Variants in PLEKHG1 observed in about 807,000 individuals in gnomAD.
PLEKHG1 encodes pleckstrin homology domain-containing family G member 1.
PLEKHG1 carries 44 observed loss-of-function variants against 100.8 expected under a neutral mutation model. The ratio of observed to expected loss-of-function variants is 0.44; its 90% confidence interval spans 0.34 to 0.56. PLEKHG1 has a LOEUF of 0.56. Among genes scored for constraint, PLEKHG1 ranks in the 20% least tolerant of loss-of-function variants. The pLI is 0.01. For missense variants in PLEKHG1, 1,545 were observed against 1,720.9 expected (o/e 0.90, Z 1.81); for synonymous variants, 640 against 662.5 (o/e 0.97, Z 0.52).
intron 5 of PLEKHG1, among the ~76,000 whole-genome samples, chr6:150,798,283 C>T (rs941182295): frequency 5.3e-5 from 8 of 152,226 alleles, no homozygotes; most frequent in Middle Eastern, 3.4e-3. Flanking sequence ...CATCAAAGTT[C>T]CAGATCCAAT....
chr6:150,828,033 A>G, intron 14 of PLEKHG1: 1 of 1,613,112 alleles, frequency 6.2e-7, no homozygotes, highest in East Asian at 2.2e-5. Context: ...CAAACAAGGA[A>G]TTCCCCTCTG....
chr6:150,791,664 T>C (rs1785989900), intron 4 of PLEKHG1, among the ~76,000 whole-genome samples: 1 of 143,446 alleles, frequency 7.0e-6, no homozygotes, highest in Non-Finnish European at 1.5e-5. Context: ...AGCAAGACTC[T>C]GTCTCAAAAA....
chr6:150,810,608 C>T (rs1787468896), intron 10 of PLEKHG1, among the ~76,000 whole-genome samples: 1 of 151,194 alleles, frequency 6.6e-6, no homozygotes, highest in Non-Finnish European at 1.5e-5. Context: ...TCAGCTAAAC[C>T]AGCCATTAAC....
At position 150,786,330 on chromosome 6, in the gene PLEKHG1, A is replaced by C. The variant is rs985095499; in HGVS notation, c.513-60A>C. The C allele has an allele frequency of 1.6e-5, 17 of 1,094,640 alleles. No homozygotes were observed. The Admixed American group carries it at 3.2e-4, about 21-fold the overall frequency. The allele number at this position is 1,094,640 out of a possible 1,614,324, so 67.8% of individuals were successfully genotyped here. The stretch of plus-strand genomic sequence containing the variant: ...AAATGTTTAAACTTTTAAATTATAC[A>C]AAATGTACTCACCCAGAAGACTACA... On this transcript the variant is annotated intron_variant, in intron 3 of 15. Transcript: ENST00000358517.
At chr6:150,673,518 G>A (rs1017057008) in intron 3 of PLEKHG1, among the ~76,000 whole-genome samples, 7 of 152,190 alleles carry the variant, frequency 4.6e-5, no homozygotes, top group Non-Finnish European at 4.4e-5. Flanking sequence ...CTAGAGCATT[G>A]TGTACACTTG....
At chr6:150,746,362 A>G (rs1253564542) in intron 2 of PLEKHG1, among the ~76,000 whole-genome samples, 4 of 152,226 alleles carry the variant, frequency 2.6e-5, no homozygotes, top group Admixed American at 6.5e-5. Context: ...TCTTTGGAGT[A>G]TTATGACTTG....
chr6:150,691,297 G>A (rs971706117), intron 3 of PLEKHG1, among the ~76,000 whole-genome samples: 9 of 152,082 alleles, frequency 5.9e-5, no homozygotes, highest in African/African-American at 1.4e-4. Context: ...CAATCTACTG[G>A]TATTTTTATA....
chr6:150,807,895 G>A (rs1787231906), intron 7 of PLEKHG1, among the ~76,000 whole-genome samples: 2 of 152,160 alleles, frequency 1.3e-5, no homozygotes, highest in Admixed American at 6.5e-5. Flanking sequence ...CTTGAACCCA[G>A]GAGGGAGAGG....
chr6:150,632,048 C>T (rs4323318), intron 1 of PLEKHG1, among the ~76,000 whole-genome samples: 32,581 of 152,104 alleles, frequency 0.21, 5,174 homozygotes, highest in African/African-American at 0.45. Context: ...ACAACAAGCA[C>T]GCGGCATTTG....
chr6:150,689,635 G>T (rs1359142148), intron 3 of PLEKHG1, among the ~76,000 whole-genome samples: 9 of 152,146 alleles, frequency 5.9e-5, no homozygotes, highest in African/African-American at 2.2e-4. Flanking sequence ...GGCCAAGGTG[G>T]GTGGGTCACC....
chr6:150,723,126 G>C (rs1781784252), intron 1 of PLEKHG1, among the ~76,000 whole-genome samples: 1 of 152,148 alleles, frequency 6.6e-6, no homozygotes, highest in Non-Finnish European at 1.5e-5. Context: ...CCAGTGGTTT[G>C]CTGGGTTTTC....
At chr6:150,757,042 T>C (rs1783881718) in intron 2 of PLEKHG1, among the ~76,000 whole-genome samples, 3 of 152,196 alleles carry the variant, frequency 2.0e-5, no homozygotes, top group Admixed American at 2.0e-4. Context: ...GGAGTCTCGC[T>C]CTGTCACCCA....
upstream of PLEKHG1, among the ~76,000 whole-genome samples, chr6:150,718,582 G>T (rs2128607979): frequency 6.7e-6 from 1 of 149,816 alleles, no homozygotes; most frequent in Non-Finnish European, 1.5e-5. Flanking sequence ...TGATTCTCCT[G>T]CCTCAGCCTC....
At position 150,809,638 on chromosome 6, in the gene PLEKHG1, G is replaced by T; in HGVS notation, c.1192-10G>T. The T allele has an allele frequency of 6.2e-7, 1 of 1,612,396 alleles. No individual in the cohort carries two copies. The highest frequency in any genetic ancestry group is 8.5e-7 in the Non-Finnish European group (1 of 1,178,582). ...CAAGTTGTCTGACTGTCTACATCTC[G>T]TCTTGGCAGGCCAAATCCCAGCAAG... is the stretch of plus-strand genomic sequence containing the variant. On this transcript the variant is annotated splice_polypyrimidine_tract_variant and intron_variant, in intron 9 of 15. Transcript: ENST00000358517.
intron 10 of PLEKHG1, among the ~76,000 whole-genome samples, chr6:150,817,869 T>C (rs1776069641): frequency 6.6e-6 from 1 of 151,932 alleles, no homozygotes; most frequent in African/African-American, 2.4e-5. Flanking sequence ...GCCGAGAATC[T>C]GCATTTTTAA....
Position 150,831,474 on chromosome 6 carries a change from A to G in PLEKHG1, c.2363A>G (p.Asp788Gly), listed in dbSNP as rs1255148200. 1.2e-6 allele frequency: 2 copies of G among 1,613,980 alleles called. No homozygotes were observed. The highest frequency in any genetic ancestry group is 2.7e-5 in the African/African-American group (2 of 74,912). ...AGCCTGAGGCCATTTGTTTCCCAAG[A>G]CAGCCTCCAGCTCAGTGAGGACGAA... The change falls in exon 15 of 16, where the codon GAC becomes GGC. Residue 788 changes from aspartate to glycine, a missense_variant. By Grantham distance (94) the Asp-to-Gly change is moderately conservative. Transcript: ENST00000358517. The surrounding 1 kb of genome is among the most constrained non-coding windows in gnomAD (Gnocchi z 4.1).
At position 150,600,443 on chromosome 6, in the gene PLEKHG1, G is replaced by A. The variant is rs1776294047; in HGVS notation, c.-204+426G>A. Among the ~76,000 whole-genome samples the A allele has an allele frequency of 6.6e-6, 1 of 152,136 alleles. No homozygotes were observed. The highest frequency in any genetic ancestry group is 2.4e-5 in the African/African-American group (1 of 41,446). On this transcript the variant is annotated intron_variant, in intron 1 of 3. Transcript: ENST00000367326. The surrounding 1 kb of genome is among the most constrained non-coding windows in gnomAD (Gnocchi z 6.2). ...CCGCTTCCCCACCCCCGACTCAGCA[G>A]GACAGCCCCAGAACGGGACCCCACA...
intron 9 of PLEKHG1, 84 bp from the exon 11 acceptor site, chr6:150,809,563 GC>G: frequency 6.7e-7 from 1 of 1,490,650 alleles, no homozygotes; most frequent in Non-Finnish European, 9.4e-7. Flanking sequence ...GAGCGTTCTG[GC>G]CACATGGTCA....
At chr6:150,630,701 G>A (rs2128561429) in intron 1 of PLEKHG1, among the ~76,000 whole-genome samples, 1 of 152,280 alleles carries the variant, frequency 6.6e-6, no homozygotes, top group South Asian at 2.1e-4. Context: ...GGGGGCCGGT[G>A]TGGAAATACA....
Sources: allele counts gnomAD v4.1 joint callset (sites outside exome capture counted in the v4.1 genomes callset), GRCh38; gene constraint gnomAD v4.1.1; non-coding constraint Gnocchi (gnomAD v3.1); transcripts MANE v1.5; gene names NCBI Gene and HGNC (gene_info 2026-07-23, HGNC 2026-07-21).